The following CLIP1 variants were observed in gnomAD, a reference collection of about 807,000 sequenced individuals.
CLIP1 encodes the protein CAP-Gly domain-containing linker protein 1.
CLIP1 carries 66 observed loss-of-function variants against 161.6 expected under a neutral mutation model. The ratio of observed to expected loss-of-function variants is 0.41; its 90% CI spans 0.33 to 0.50. CLIP1 has a LOEUF of 0.50. CLIP1 is among the 20% of genes least tolerant of loss of function. The probability of loss-of-function intolerance (pLI) is 0.27; values close to 1 mark genes in which losing one functional copy is unlikely to be tolerated. For synonymous variants in CLIP1, 598 were observed against 626.2 expected, an observed-to-expected ratio of 0.96 and a Z score of 0.67; for missense variants, 1,376 against 1,702.0, an observed-to-expected ratio of 0.81 and a Z score of 3.37.
At chr12:122,320,000 C>A (rs188957146) in intron 17 of CLIP1, among the ~76,000 whole-genome samples, 7 of 152,124 alleles carry the variant, frequency 4.6e-5, no homozygotes, top group African/African-American at 1.7e-4. Context: ...ATAGGCCGGG[C>A]GCAGTGGCTC....
Position 122,377,386 on chromosome 12 carries a change from C to T in CLIP1, c.657+3G>A, listed in dbSNP as rs2136784923. The T allele has an allele frequency of 6.2e-7, 1 of 1,609,044 alleles. No individual in the cohort carries two copies. The highest frequency in any genetic ancestry group is 8.5e-7 in the Non-Finnish European group (1 of 1,177,156). ...AATGACCTCAGAATGTTTCTCTACT[C>T]ACCAATACTCTGTCTCCGATTTTGA... On this transcript the variant is annotated splice_donor_region_variant and intron_variant, in intron 3 of 25. Coordinates refer to ENST00000620786, the MANE Select transcript of CLIP1 (RefSeq NM_001247997.2).
chr12:122,341,401 C>G lies in CLIP1; in HGVS notation c.1803G>C (p.Glu601Asp), dbSNP rs1166040899. 2 of 1,614,014 alleles carry G rather than the reference C, an allele frequency of 1.2e-6. No homozygotes were observed. The highest frequency in any genetic ancestry group is 1.7e-6 in the Non-Finnish European group (2 of 1,180,034). Reference protein sequence around the residue: ...LYTATEKLSKENESLKSKLEH... With the variant: ...LYTATEKLSKDNESLKSKLEH... ...CCAGCTTGCTTTTCAATGACTCGTTCTCTTTGGAAAGCTTTTCCGTGGCGG... is the reference window on the plus strand; with the variant it reads ...CCAGCTTGCTTTTCAATGACTCGTTGTCTTTGGAAAGCTTTTCCGTGGCGG... The change falls in exon 11 of 26, where the codon GAG becomes GAC. Residue 601 changes from glutamate (E) to aspartate (D), a missense_variant. Physicochemically the swap from Glu to Asp is conservative, Grantham distance 45. Coordinates refer to ENST00000620786, the MANE Select transcript of CLIP1 (RefSeq NM_001247997.2).
intron 5 of CLIP1, among the ~76,000 whole-genome samples, chr12:122,360,410 C>CAAAAAA (rs34294939): frequency 6.9e-5 from 6 of 87,344 alleles, no homozygotes; most frequent in Admixed American, 1.3e-4. Flanking sequence ...CCTCTCTCTA[C>CAAAAAA]AAAAAAAAAA....
chr12:122,412,893 G>A (rs2137180490), intron 1 of CLIP1, among the ~76,000 whole-genome samples: 1 of 152,098 alleles, frequency 6.6e-6, no homozygotes. Context: ...AAACTTCACT[G>A]GAAAACATTT....
At chr12:122,309,719 C>T in intron 20 of CLIP1, 43 bp downstream of exon 20, 1 of 1,609,520 alleles carries the variant, frequency 6.2e-7, no homozygotes, top group Non-Finnish European at 8.5e-7. Context: ...AGCAGCAGCA[C>T]CCAGCATGGC....
In CLIP1 at chr12:122,316,852, C is replaced by G. The variant is rs1323044854; in HGVS notation, c.3370G>C (p.Asp1124His). The G allele has an allele frequency of 1.3e-6, 2 of 1,540,882 alleles. No individual in the cohort carries two copies. Among genetic ancestry groups the G allele is most frequent in the East Asian group, 2.3e-5 (1 of 43,036 alleles). Residue 1124 changes from aspartate (D) to histidine (H), a missense_variant, in exon 19 of 26, where the codon GAC becomes CAC. This residue lies in a region of CLIP1 where 948 missense variants were observed against 1,134.8 expected (regional missense o/e 0.84). Coordinates refer to ENST00000620786, the MANE Select transcript of CLIP1 (RefSeq NM_001247997.2). ...QTNAKLQNELDTLKENNLKNV... is the reference protein window; with the variant it reads ...QTNAKLQNELHTLKENNLKNV... Reference sequence around the variant, plus strand: ...TTCAAGTTGTTTTCTTTAAGTGTGTCCAACTTAAAGACCAAGAGAAAAAAA... The same window carrying G: ...TTCAAGTTGTTTTCTTTAAGTGTGTGCAACTTAAAGACCAAGAGAAAAAAA...
chr12:122,287,000 AAAACAAAC>A (rs1224325188), intron 21 of CLIP1, among the ~76,000 whole-genome samples: 1 of 151,964 alleles, frequency 6.6e-6, no homozygotes, highest in South Asian at 2.1e-4. Flanking sequence ...TCTGCCTCAA[AAAACAAAC>A]AAACAAACAA....
At chr12:122,389,757 T>TAAAAAAA (rs1955503815) in intron 1 of CLIP1, among the ~76,000 whole-genome samples, 2 of 3,588 alleles carry the variant, frequency 5.6e-4, no homozygotes, top group Non-Finnish European at 1.4e-3. Flanking sequence ...AGATCCTGTC[T>TAAAAAAA]CAAAAAAAAA....
At chr12:122,324,978 T>A (rs1253611535) in intron 17 of CLIP1, among the ~76,000 whole-genome samples, 5 of 152,138 alleles carry the variant, frequency 3.3e-5, no homozygotes, top group East Asian at 1.9e-4. Context: ...GTTTTTTTTT[T>A]TTATTTACTG....
intron 9 of CLIP1, among the ~76,000 whole-genome samples, chr12:122,349,756 A>T (rs1427218819): frequency 6.6e-6 from 1 of 152,220 alleles, no homozygotes; most frequent in African/African-American, 2.4e-5. Context: ...CAGGGGGGAA[A>T]TCCCATGCAG....
At chr12:122,347,843 C>T (rs1326557080) in intron 9 of CLIP1, among the ~76,000 whole-genome samples, 3 of 152,110 alleles carry the variant, frequency 2.0e-5, no homozygotes, top group African/African-American at 4.8e-5. Context: ...TATCATTATC[C>T]CTCCGCCCCA....
At chr12:122,313,808 A>G (rs1269549661) in intron 19 of CLIP1, among the ~76,000 whole-genome samples, 1 of 152,182 alleles carries the variant, frequency 6.6e-6, no homozygotes, top group Non-Finnish European at 1.5e-5. Flanking sequence ...GGATTCAGTG[A>G]GGACTCTGAA....
At chr12:122,364,132 A>G (rs563193257) in intron 3 of CLIP1, 25 bp from the exon 4 acceptor site, 1 of 1,613,614 alleles carries the variant, frequency 6.2e-7, no homozygotes, top group African/African-American at 1.3e-5. Flanking sequence ...GGTTAAAATA[A>G]AGAGATGAAC....
intron 3 of CLIP1, among the ~76,000 whole-genome samples, chr12:122,365,791 C>T (rs966763650): frequency 2.0e-5 from 3 of 151,310 alleles, no homozygotes; most frequent in Non-Finnish European, 2.9e-5. Flanking sequence ...GAGAACTGCT[C>T]GAGCCCAGGA....
At position 122,379,943 on chromosome 12, in the gene CLIP1, T is replaced by TAAAAAAAAAAAAAAAA. The variant is rs1566198620; in HGVS notation, c.85+424_85+425insTTTTTTTTTTTTTTTT. On this transcript the variant is annotated intron_variant, in intron 2 of 25. Coordinates refer to ENST00000620786, the MANE Select transcript of CLIP1 (RefSeq NM_001247997.2). ...TGGGGAATAGAGCAAGACTCCATCT[T>TAAAAAAAAAAAAAAAA]TAAAAAAAAAAAAAAAAAATGCAAG... Among the ~76,000 whole-genome samples the TAAAAAAAAAAAAAAAA allele has an allele frequency of 1.8e-3, 125 of 70,372 alleles. 11 individuals are homozygous for TAAAAAAAAAAAAAAAA. Among genetic ancestry groups the TAAAAAAAAAAAAAAAA allele is most frequent in the African/African-American group, 5.6e-3 (105 of 18,688 alleles). The allele number at this position is 70,372 out of a possible 152,430, so 46.2% of individuals were successfully genotyped here. A position where few individuals can be genotyped will look rare whatever the true frequency, so the allele number is the denominator to read the frequency against.
rs774047075 is a variant in CLIP1 at position 122,328,019 on chromosome 12, C to A, written c.3177G>T (p.Lys1059Asn). 1.9e-6 allele frequency: 3 copies of A among 1,614,202 alleles called. No homozygotes were observed. The East Asian group carries it at 6.7e-5, about 36-fold the overall frequency. ...AGCCACTGTTCTCCTCCCGTGCGCC[C>A]TTCAGCTTGTCCTCTGTGTCCAGCA... Reference protein sequence around the residue: ...KTLLDTEDKLKGAREENSGLL... With the variant: ...KTLLDTEDKLNGAREENSGLL... The change falls in exon 17 of 26, where the codon AAG (lysine) becomes AAT (asparagine). Residue 1059 changes from lysine to asparagine, a missense_variant. Lys to Asn is a moderately conservative substitution (Grantham distance 94). This residue lies in a region of CLIP1 where 948 missense variants were observed against 1,134.8 expected (regional missense o/e 0.84). Transcript: ENST00000620786.
At chr12:122,324,175 A>C (rs1385327915) in intron 17 of CLIP1, 1 of 152,596 alleles carries the variant, frequency 6.6e-6, no homozygotes, top group East Asian at 1.9e-4. Flanking sequence ...TAAGAGTTTC[A>C]TTCACTGACC....
intron 11 of CLIP1, 95 bp downstream of exon 11, chr12:122,340,658 A>T (rs1382784101): frequency 1.2e-5 from 12 of 1,001,340 alleles, no homozygotes; most frequent in Non-Finnish European, 1.7e-5. Context: ...TTAAATCAGC[A>T]ATTTGGAAGA....
At chr12:122,280,427 C>T (rs1350679086) in intron 21 of CLIP1, 1 of 152,158 alleles carries the variant, frequency 6.6e-6, no homozygotes, top group Admixed American at 6.5e-5. Context: ...TCATTAAATA[C>T]AAGAAAAGGC....
Sources: gnomAD v4.1 joint callset for allele counts (sites outside exome capture counted in the v4.1 genomes callset) on GRCh38, gnomAD v4.1.1 for gene constraint, gnomAD v4.1.1 regional missense constraint, MANE v1.5 for transcripts, NCBI Gene and HGNC (gene_info 2026-07-23, HGNC 2026-07-21) for gene names.